ANO4: variants seen among roughly 807,000 people sequenced by gnomAD.
The protein encoded by ANO4 is anoctamin-4.
In ANO4, 69 loss-of-function variants were observed where a neutral mutation model predicts 141.9. The ratio of observed to expected loss-of-function variants is 0.49; its 90% CI spans 0.40 to 0.59. ANO4 has a LOEUF of 0.59. ANO4 is among the 20% of genes least tolerant of loss of function. The pLI is 0.00. For synonymous variants in ANO4, 350 were observed against 394.3 expected (o/e 0.89, Z 1.33); for missense variants, 894 against 1,162.2 (o/e 0.77, Z 3.36).
intron 2 of ANO4, among the ~76,000 whole-genome samples, chr12:100,915,434 GTTA>G (rs1216759027): frequency 6.6e-6 from 1 of 152,182 alleles, no homozygotes; most frequent in Non-Finnish European, 1.5e-5. Context: ...TCTAGCAACA[GTTA>G]TTATGAGGCT....
intron 1 of ANO4, among the ~76,000 whole-genome samples, chr12:100,856,072 C>T (rs2038149888): frequency 6.6e-6 from 1 of 152,016 alleles, no homozygotes; most frequent in African/African-American, 2.4e-5. Flanking sequence ...AACGGAGAAA[C>T]AGCCAGAGGT....
rs1333115271 is a variant in ANO4, at chr12:100,867,371, A to G, written c.-140-34275A>G. 2.0e-5 allele frequency among the ~76,000 whole-genome samples: 3 copies of G among 152,296 alleles called. No homozygotes were observed. In the East Asian group the frequency reaches 5.8e-4, roughly 29 times the overall value. ...TCAGTTCATGTCCAAAGGCCTGAGC[A>G]GTAGGCGAGCCAATGGAATAAGGTC... On this transcript the variant is annotated intron_variant, in intron 1 of 27. Transcript: ENST00000392977.
intron 4 of ANO4, among the ~76,000 whole-genome samples, chr12:100,941,942 G>T (rs1253551753): frequency 7.0e-6 from 1 of 143,618 alleles, no homozygotes; most frequent in Non-Finnish European, 1.5e-5. Flanking sequence ...ATATGTAATT[G>T]AACACAATGA....
At chr12:100,920,600 T>A (rs1432421109) in intron 2 of ANO4, among the ~76,000 whole-genome samples, 1 of 152,162 alleles carries the variant, frequency 6.6e-6, no homozygotes, top group Non-Finnish European at 1.5e-5. Flanking sequence ...GGCGTCTTTG[T>A]CTGTCCTGTC....
intron 1 of ANO4, among the ~76,000 whole-genome samples, chr12:100,859,701 TA>T (rs2038373724): frequency 6.6e-6 from 1 of 152,180 alleles, no homozygotes; most frequent in African/African-American, 2.4e-5. Flanking sequence ...TGTTATATAA[TA>T]GATCTGCCAC....
intron 3 of ANO4, among the ~76,000 whole-genome samples, chr12:100,774,943 G>A (rs1230700666): frequency 6.6e-6 from 1 of 152,176 alleles, no homozygotes; most frequent in Non-Finnish European, 1.5e-5. Flanking sequence ...AGAATCAAGT[G>A]TAATTTCTTA....
chr12:100,901,650 A>C lies in ANO4; in HGVS notation c.-136A>C, dbSNP rs1340303867. 1.2e-6 allele frequency: 1 copy of C among 806,744 alleles called. No individual in the cohort carries two copies. Among genetic ancestry groups the C allele is most frequent in the Non-Finnish European group, 2.2e-6 (1 of 446,840 alleles). 50.0% of individuals were successfully genotyped at this position (806,744 alleles called of 1,614,324 possible). A position where few individuals can be genotyped will look rare whatever the true frequency, so the allele number is the denominator to read the frequency against. On this transcript the variant is annotated 5_prime_UTR_variant, in exon 2 of 28. It removes the in-frame stop codon of an upstream open reading frame in the 5' UTR. Coordinates refer to ENST00000392977, the MANE Select transcript of ANO4 (RefSeq NM_001286615.2). ...TGGTGCCATTTCTCATTCCAGGTTT[A>C]AGTTTATCTATTCATGGGGCTGAAA...
intron 22 of ANO4, among the ~76,000 whole-genome samples, chr12:101,103,273 G>A (rs2050284635): frequency 7.3e-6 from 1 of 136,926 alleles, no homozygotes; most frequent in African/African-American, 2.8e-5. Flanking sequence ...TTTATATAAT[G>A]CTGGATAAAA....
intron 1 of ANO4, among the ~76,000 whole-genome samples, chr12:100,880,781 G>T (rs146668307): frequency 6.6e-6 from 1 of 152,254 alleles, no homozygotes; most frequent in Non-Finnish European, 1.5e-5. Context: ...TCTATATGGC[G>T]AATGTAACTT....
rs1175491902 is a variant in ANO4, at chr12:101,128,127, G to GTT, written c.*275_*276dup. Reference sequence around the variant, plus strand: ...ACATTATGGGCAGTTACATTCTCAAGTTTTTAAAATCAAGGGGAACTTGTA... The same window carrying GTT: ...ACATTATGGGCAGTTACATTCTCAAGTTTTTTTAAAATCAAGGGGAACTTGTA... On this transcript the variant is annotated 3_prime_UTR_variant, in exon 28 of 28. Coordinates refer to ENST00000392977, the MANE Select transcript of ANO4 (RefSeq NM_001286615.2). The GTT allele has an allele frequency of 1.3e-5, 2 of 152,628 alleles. No individual in the cohort carries two copies. The highest frequency in any genetic ancestry group is 2.9e-5 in the Non-Finnish European group (2 of 68,042). The allele number at this position is 152,628 out of a possible 1,614,324, so 9.5% of individuals were successfully genotyped here. A position where few individuals can be genotyped will look rare whatever the true frequency, so the allele number is the denominator to read the frequency against.
intron 9 of ANO4, among the ~76,000 whole-genome samples, chr12:101,028,540 T>A (rs904618122): frequency 1.3e-5 from 2 of 152,136 alleles, no homozygotes; most frequent in African/African-American, 4.8e-5. Flanking sequence ...TACACAAGTA[T>A]CAGTAGCTGA....
intron 8 of ANO4, among the ~76,000 whole-genome samples, chr12:100,994,432 GT>G: frequency 6.6e-6 from 1 of 152,264 alleles, no homozygotes; most frequent in East Asian, 1.9e-4. Context: ...CATAATAAAG[GT>G]TTTCTGCTGG....
rs759922603 is a variant in ANO4 at position 100,942,567 on chromosome 12, T to C, written c.456+32T>C. 1.5e-5 allele frequency: 24 copies of C among 1,595,940 alleles called. No homozygotes were observed. The East Asian group carries it at 4.5e-4, about 30-fold the overall frequency. Reference sequence around the variant, plus strand: ...AGTTTGCTTGGATGAGAAAAAAATATATACATATCTATTCATATGAAGAGG... The same window carrying C: ...AGTTTGCTTGGATGAGAAAAAAATACATACATATCTATTCATATGAAGAGG... On this transcript the variant is annotated intron_variant, in intron 5 of 27. Coordinates refer to ENST00000392977, the MANE Select transcript of ANO4 (RefSeq NM_001286615.2).
intron 8 of ANO4, among the ~76,000 whole-genome samples, chr12:100,988,326 G>A (rs1375995029): frequency 6.6e-6 from 1 of 152,066 alleles, no homozygotes; most frequent in Non-Finnish European, 1.5e-5. Context: ...AGAAATGATG[G>A]CTGGATGCAG....
Position 100,942,488 on chromosome 12 carries a change from G to A in ANO4, c.409G>A (p.Val137Ile). 6.2e-7 allele frequency: 1 copy of A among 1,614,038 alleles called. No homozygotes were observed. The highest frequency in any genetic ancestry group is 1.1e-5 in the South Asian group (1 of 91,084). Residue 137 changes from valine (V) to isoleucine (I), a missense_variant, in exon 5 of 28, where the codon GTA (valine) becomes ATA (isoleucine). This residue lies in a region of ANO4 where 257 missense variants were observed against 253.0 expected (regional missense o/e 1.02). Coordinates refer to ENST00000392977, the MANE Select transcript of ANO4 (RefSeq NM_001286615.2). ...KSNPQTEKRE[V>I]FERNIRAEGL... is the part of the protein sequence containing the mutation. Reference sequence around the variant, plus strand: ...CAACCCCCAGACTGAAAAGAGAGAAGTATTTGAAAGAAACATTAGAGCAGA... The same window carrying A: ...CAACCCCCAGACTGAAAAGAGAGAAATATTTGAAAGAAACATTAGAGCAGA...
At chr12:101,049,400 C>G (rs951148000) in intron 14 of ANO4, among the ~76,000 whole-genome samples, 1 of 152,008 alleles carries the variant, frequency 6.6e-6, no homozygotes, top group Non-Finnish European at 1.5e-5. Context: ...GTTCTTAGGG[C>G]ACTTAAAATT....
At chr12:100,974,172 A>G (rs1308692668) in intron 6 of ANO4, among the ~76,000 whole-genome samples, 1 of 152,152 alleles carries the variant, frequency 6.6e-6, no homozygotes, top group Non-Finnish European at 1.5e-5. Context: ...AAAGATAGAT[A>G]TATAGCAATC....
intron 1 of ANO4, among the ~76,000 whole-genome samples, chr12:100,827,281 C>T (rs1043968549): frequency 2.6e-5 from 4 of 151,980 alleles, no homozygotes; most frequent in Non-Finnish European, 5.9e-5. Flanking sequence ...CCTTTGTACT[C>T]GCGATTCCCT....
intron 3 of ANO4, 101 bp from the exon 4 acceptor site, chr12:100,939,214 A>T: frequency 8.3e-7 from 1 of 1,206,962 alleles, no homozygotes; most frequent in Non-Finnish European, 1.2e-6. Context: ...TAATGAAATG[A>T]TGAGAAAATA....
Sources: gnomAD v4.1 joint callset for allele counts (sites outside exome capture counted in the v4.1 genomes callset) on GRCh38, gnomAD v4.1.1 for gene constraint, gnomAD v4.1.1 regional missense constraint, MANE v1.5 for transcripts, NCBI Gene and HGNC (gene_info 2026-07-23, HGNC 2026-07-21) for gene names.